The following TMC1 variants were observed in gnomAD, a reference collection of about 807,000 sequenced individuals.
TMC1 encodes transmembrane channel-like protein 1.
In TMC1, 84 loss-of-function variants were observed where a neutral mutation model predicts 105.8. That is an observed-to-expected ratio of 0.79 (90% confidence interval 0.67 to 0.95). TMC1 has a LOEUF of 0.95. Among genes scored for constraint, TMC1 ranks in the 40% least tolerant of loss-of-function variants. The pLI is 0.00. For missense variants in TMC1, 817 were observed against 914.1 expected, an observed-to-expected ratio of 0.89 and a Z score of 1.37; for synonymous variants, 315 against 311.5, an observed-to-expected ratio of 1.01 and a Z score of -0.12.
At chr9:72,667,770 C>CCTTT (rs1414687476) in intron 5 of TMC1, among the ~76,000 whole-genome samples, 1 of 152,190 alleles carries the variant, frequency 6.6e-6, no homozygotes, top group Non-Finnish European at 1.5e-5. Context: ...ATGAGGCTAT[C>CCTTT]CTTTCTCTCT....
At chr9:72,628,968 T>C (rs1483401477) in intron 4 of TMC1, among the ~76,000 whole-genome samples, 1 of 152,204 alleles carries the variant, frequency 6.6e-6, no homozygotes, top group African/African-American at 2.4e-5. Flanking sequence ...TTTTTTTAAA[T>C]GTGTTAATAT....
chr9:72,757,754 A>G (rs912426543), intron 12 of TMC1, among the ~76,000 whole-genome samples: 23 of 152,184 alleles, frequency 1.5e-4, no homozygotes, highest in African/African-American at 5.3e-4. Flanking sequence ...GAAACATTTC[A>G]TATCTTGGAG....
intron 23 of TMC1, among the ~76,000 whole-genome samples, chr9:72,835,234 C>G (rs1205364116): frequency 6.6e-6 from 1 of 152,092 alleles, no homozygotes; most frequent in African/African-American, 2.4e-5. Flanking sequence ...TTTAGGCAAA[C>G]CTTTGTATTT....
At chr9:72,715,697 G>T (rs896082640) in intron 8 of TMC1, among the ~76,000 whole-genome samples, 1 of 150,918 alleles carries the variant, frequency 6.6e-6, no homozygotes, top group Non-Finnish European at 1.5e-5. Context: ...TTTTCATTGG[G>T]TTAGAACATG....
intron 5 of TMC1, among the ~76,000 whole-genome samples, chr9:72,680,443 A>G (rs1161624691): frequency 6.6e-6 from 1 of 152,038 alleles, no homozygotes. Flanking sequence ...AGCAAGTCCT[A>G]TGAAGTGTGA....
chr9:72,679,249 A>G (rs1564486370), intron 5 of TMC1, among the ~76,000 whole-genome samples: 2 of 152,042 alleles, frequency 1.3e-5, no homozygotes, highest in African/African-American at 2.4e-5. Context: ...TGAGTTCAGC[A>G]TAAGTTATTA....
chr9:72,830,433 TTTTTC>T lies in TMC1; in HGVS notation c.2130-13_2130-9del, dbSNP rs1396682691. Reference sequence around the variant, plus strand: ...CTGAAATATACCTTACACTGTATTTTTTTTCTTTTTAATTTAGTTTGGCCATCTAT... The same window carrying T: ...CTGAAATATACCTTACACTGTATTTTTTTTTAATTTAGTTTGGCCATCTAT... On this transcript the variant is annotated splice_polypyrimidine_tract_variant and intron_variant, in intron 21 of 23. Coordinates refer to ENST00000297784, the MANE Select transcript of TMC1 (RefSeq NM_138691.3). 6.9e-6 allele frequency: 11 copies of T among 1,583,106 alleles called. No homozygotes were observed. Among genetic ancestry groups the T allele is most frequent in the Non-Finnish European group, 8.7e-6 (10 of 1,152,682 alleles).
rs530717053 is a variant in TMC1 at position 72,544,960 on chromosome 9, C to T, written c.-428+23047C>T. ...CCCCCCCAAGTCTTTCCCTGAGTTCCCAAAGTTCATTGTATCATTCTTATG... is the reference window on the plus strand; with the variant it reads ...CCCCCCCAAGTCTTTCCCTGAGTTCTCAAAGTTCATTGTATCATTCTTATG... On this transcript the variant is annotated intron_variant, in intron 1 of 23. Coordinates refer to ENST00000297784, the MANE Select transcript of TMC1 (RefSeq NM_138691.3). Among the ~76,000 whole-genome samples the T allele has an allele frequency of 2.6e-5, 4 of 151,986 alleles. No homozygotes were observed. The South Asian group carries it at 8.3e-4, about 32-fold the overall frequency.
chr9:72,762,186 A>T (rs1827767928), intron 12 of TMC1, among the ~76,000 whole-genome samples: 1 of 152,214 alleles, frequency 6.6e-6, no homozygotes, highest in African/African-American at 2.4e-5. Flanking sequence ...GAGTCTCTAA[A>T]CAAAGTATGT....
Position 72,789,190 on chromosome 9 carries a change from T to C in TMC1, c.1097T>C (p.Phe366Ser), listed in dbSNP as rs1386660500. 1 of 1,613,844 alleles carries C rather than the reference T, an allele frequency of 6.2e-7. No individual in the cohort carries two copies. Among genetic ancestry groups the C allele is most frequent in the South Asian group, 1.1e-5 (1 of 91,076 alleles). ...ENVHLIRFLR[F>S]LANFFVFLTL... ...GTCCACTTGATCAGATTCCTGAGGT[T>C]TCTGGCTAACTTCTTCGTGTTTCTA... The change falls in exon 15 of 24, where the codon TTT (phenylalanine) becomes TCT (serine). Residue 366 changes from phenylalanine (F) to serine (S), a missense_variant. Phe to Ser is a radical substitution (Grantham distance 155). Coordinates refer to ENST00000297784, the MANE Select transcript of TMC1 (RefSeq NM_138691.3).
chr9:72,656,796 C>T (rs532774935), intron 5 of TMC1, among the ~76,000 whole-genome samples: 64 of 152,188 alleles, frequency 4.2e-4, no homozygotes, highest in Non-Finnish European at 6.3e-4. Flanking sequence ...TTCCCCCCTC[C>T]GGGATGCAGA....
chr9:72,780,636 C>A (rs1413377154), intron 13 of TMC1, among the ~76,000 whole-genome samples: 5 of 151,948 alleles, frequency 3.3e-5, no homozygotes, highest in Admixed American at 6.6e-5. Flanking sequence ...ATCTATCAAG[C>A]AAACAGAAAA....
At chr9:72,650,871 T>TA (rs1378515588) in intron 5 of TMC1, among the ~76,000 whole-genome samples, 4 of 134,246 alleles carry the variant, frequency 3.0e-5, no homozygotes, top group African/African-American at 5.7e-5. Context: ...CATGGTGTAT[T>TA]TTATATATAT....
chr9:72,593,096 A>T (rs1479306875), intron 2 of TMC1, among the ~76,000 whole-genome samples: 1 of 152,190 alleles, frequency 6.6e-6, no homozygotes, highest in East Asian at 1.9e-4. Context: ...GGTTGGAAAA[A>T]TTGGATAATT....
chr9:72,613,638 A>G (rs143939475), intron 2 of TMC1, among the ~76,000 whole-genome samples: 5 of 152,204 alleles, frequency 3.3e-5, no homozygotes, highest in African/African-American at 1.2e-4. Context: ...ATGTGGCTCA[A>G]TGGAATGAAT....
At chr9:72,666,268 A>C (rs945166465) in intron 5 of TMC1, among the ~76,000 whole-genome samples, 2 of 152,076 alleles carry the variant, frequency 1.3e-5, no homozygotes, top group Non-Finnish European at 2.9e-5. Context: ...TAAAAAAAAA[A>C]AAAGGAAGGA....
At chr9:72,630,280 T>A (rs958703281) in intron 4 of TMC1, among the ~76,000 whole-genome samples, 2 of 152,196 alleles carry the variant, frequency 1.3e-5, no homozygotes, top group Admixed American at 6.5e-5. Context: ...AATTAAAATT[T>A]AAAAAAATTA....
intron 1 of TMC1, among the ~76,000 whole-genome samples, chr9:72,566,115 T>C (rs1824148204): frequency 6.6e-6 from 1 of 152,216 alleles, no homozygotes. Flanking sequence ...TTGCAGCCTC[T>C]AATTCCTGGG....
intron 1 of TMC1, among the ~76,000 whole-genome samples, chr9:72,528,289 A>G (rs143049988): frequency 1.3e-5 from 2 of 152,184 alleles, no homozygotes; most frequent in African/African-American, 4.8e-5. Flanking sequence ...ATCCTCCAGA[A>G]CTGTAAACAA....
Sources: allele counts gnomAD v4.1 joint callset (sites outside exome capture counted in the v4.1 genomes callset), GRCh38; gene constraint gnomAD v4.1.1; transcripts MANE v1.5; gene names NCBI Gene and HGNC (gene_info 2026-07-23, HGNC 2026-07-21).